Variants in INSR observed in about 807,000 individuals in gnomAD.
The protein encoded by INSR is insulin receptor, also known as IR.
Under a neutral mutation model 142.6 loss-of-function variants are expected in INSR, and 67 were observed. The ratio of observed to expected loss-of-function variants is 0.47; its 90% confidence interval spans 0.39 to 0.58. The LOEUF is 0.58. Ranked by LOEUF, INSR falls within the 20% of genes least tolerant of loss-of-function variation. The probability of loss-of-function intolerance (pLI) is 0.00; values close to 1 mark genes in which losing one functional copy is unlikely to be tolerated. For synonymous variants in INSR, 756 were observed against 743.1 expected, an observed-to-expected ratio of 1.02 and a Z score of -0.28; for missense variants, 1,248 against 1,833.2, an observed-to-expected ratio of 0.68 and a Z score of 5.83.
chr19:7,128,865 A>G lies in INSR; in HGVS notation c.2932T>C (p.Phe978Leu). 4 of 1,612,154 alleles carry G rather than the reference A, an allele frequency of 2.5e-6. No individual in the cohort carries two copies. Among genetic ancestry groups the G allele is most frequent in the Non-Finnish European group, 3.4e-6 (4 of 1,178,168 alleles). ...CACTGAACTCACCTCTTTCTCAGGA[A>G]TAGATAAATACTTCCAATCACAACA... ...FSVVIGSIYL[F>L]LRKRQPDGPL... The change falls in exon 15 of 22, where the codon TTC (phenylalanine) becomes CTC (leucine). Residue 978 changes from phenylalanine (F) to leucine (L), a missense_variant. By Grantham distance (22) the Phe-to-Leu change is conservative. This residue lies in a region of INSR where 1,069 missense variants were observed against 1,654.0 expected (regional missense o/e 0.65). Coordinates refer to ENST00000302850, the MANE Select transcript of INSR (RefSeq NM_000208.4).
chr19:7,145,197 G>A lies in INSR; in HGVS notation c.2268-2107C>T, dbSNP rs1002977009. Among the ~76,000 whole-genome samples the A allele has an allele frequency of 1.3e-4, 20 of 150,640 alleles. 1 individual carries two copies. Among genetic ancestry groups the A allele is most frequent in the Admixed American group, 9.3e-4 (14 of 15,126 alleles). On this transcript the variant is annotated intron_variant, in intron 11 of 21. Transcript: ENST00000302850. ...TAAGGATATTAACCTTTTATGTATC[G>A]TGCTATACAACTTACTCTTTTCCAT...
rs192540917 is a variant in INSR at position 7,263,734 on chromosome 19, C to G, written c.652+3611G>C. On this transcript the variant is annotated intron_variant, in intron 2 of 21. Coordinates refer to ENST00000302850, the MANE Select transcript of INSR (RefSeq NM_000208.4). ...GCAATTTTTAATTCACTCAAAACAT[C>G]AGGCACAGCCAGGCACAGCCAGGCA... 2.9e-3 allele frequency among the ~76,000 whole-genome samples: 438 copies of G among 152,114 alleles called. 1 individual carries two copies. The highest frequency in any genetic ancestry group is 8.3e-3 in the South Asian group (40 of 4,832).
intron 1 of INSR, among the ~76,000 whole-genome samples, chr19:7,282,113 C>T (rs1427952612): frequency 1.3e-5 from 2 of 152,132 alleles, no homozygotes; most frequent in Admixed American, 6.6e-5. Context: ...ACCAGTAATC[C>T]CAGCACTTTG....
intron 1 of INSR, among the ~76,000 whole-genome samples, chr19:7,279,490 A>G (rs1173600318): frequency 1.3e-5 from 2 of 149,340 alleles, no homozygotes; most frequent in African/African-American, 4.9e-5. Flanking sequence ...AGCCTGAAGC[A>G]TTCGAGATAG....
rs1968572301 is a variant in INSR, at chr19:7,293,999, T to C, written c.-108A>G. 1.9e-6 allele frequency: 2 copies of C among 1,078,822 alleles called. No homozygotes were observed. Among genetic ancestry groups the C allele is most frequent in the Non-Finnish European group, 2.3e-6 (2 of 882,726 alleles). 66.8% of individuals were successfully genotyped at this position (1,078,822 alleles called of 1,614,324 possible). On this transcript the variant is annotated 5_prime_UTR_variant, in exon 1 of 22. Coordinates refer to ENST00000302850, the MANE Select transcript of INSR (RefSeq NM_000208.4). Reference sequence around the variant, plus strand: ...AGGCGCTGGGGGCCGCGCGTCCTTCTCTTCCACGCCCGCGACCCGCGGGCC... The same window carrying C: ...AGGCGCTGGGGGCCGCGCGTCCTTCCCTTCCACGCCCGCGACCCGCGGGCC...
chr19:7,265,634 C>A (rs1204471057), intron 2 of INSR, among the ~76,000 whole-genome samples: 1 of 151,316 alleles, frequency 6.6e-6, no homozygotes, highest in Admixed American at 6.6e-5. Context: ...ACTTGGGAGG[C>A]TGGGGCAGGA....
chr19:7,222,957 C>T (rs56263243), intron 2 of INSR, among the ~76,000 whole-genome samples: 26 of 152,050 alleles, frequency 1.7e-4, no homozygotes, highest in Admixed American at 5.9e-4. Flanking sequence ...CTAAGGAGGG[C>T]GGATCACCTG....
At chr19:7,167,135 ATTATAAATTTCAGATT>A (rs2097199645) in intron 7 of INSR, among the ~76,000 whole-genome samples, 1 of 152,192 alleles carries the variant, frequency 6.6e-6, no homozygotes, top group South Asian at 2.1e-4. Context: ...ATTTTGGAGC[ATTATAAATTTCAGATT>A]TTCAGATTAG....
At chr19:7,213,330 C>T (rs1322192184) in intron 2 of INSR, among the ~76,000 whole-genome samples, 2 of 118,638 alleles carry the variant, frequency 1.7e-5, no homozygotes, top group African/African-American at 3.1e-5. Flanking sequence ...GGCTACAGAG[C>T]GACTCCATCT....
In INSR at chr19:7,152,797, C is replaced by A. The variant is rs767343837; in HGVS notation, c.2160G>T (p.Leu720=). ...TAAACGAGGACTCCTCCAGCTCCTTCAGGATCTGAGAGTCTGTCTTTGGAC... is the reference window on the plus strand; with the variant it reads ...TAAACGAGGACTCCTCCAGCTCCTTAAGGATCTGAGAGTCTGTCTTTGGAC... ...CSCPKTDSQI[L]KELEESSFRK... is the part of the protein sequence containing the mutation. Residue 720 remains leucine (L), a synonymous_variant, in exon 10 of 22, where the codon CTG becomes CTT. Coordinates refer to ENST00000302850, the MANE Select transcript of INSR (RefSeq NM_000208.4). 3.1e-6 allele frequency: 5 copies of A among 1,613,522 alleles called. No homozygotes were observed. The South Asian group carries it at 5.5e-5, about 18-fold the overall frequency.
intron 13 of INSR, among the ~76,000 whole-genome samples, chr19:7,137,798 C>CAAAAAAAAAAAAAAAA (rs1176523364): frequency 4.8e-5 from 2 of 41,482 alleles, no homozygotes; most frequent in Non-Finnish European, 3.9e-5. Context: ...GACTCCATCT[C>CAAAAAAAAAAAAAAAA]AAAAAAAAAA....
intron 2 of INSR, among the ~76,000 whole-genome samples, chr19:7,242,734 C>CCAAA (rs769179712): frequency 1.1e-5 from 1 of 92,124 alleles, no homozygotes. Flanking sequence ...GAGACTGCCT[C>CCAAA]AAAAAAAAAA....
intron 2 of INSR, among the ~76,000 whole-genome samples, chr19:7,264,475 A>G (rs1309730771): frequency 1.3e-5 from 2 of 151,910 alleles, no homozygotes; most frequent in Non-Finnish European, 2.9e-5. Context: ...GTCTTAAATT[A>G]TATCTCAAGA....
At chr19:7,257,416 G>A (rs887369100) in intron 2 of INSR, among the ~76,000 whole-genome samples, 22 of 151,716 alleles carry the variant, frequency 1.5e-4, no homozygotes, top group South Asian at 4.2e-4. Flanking sequence ...CTAGAAGCAC[G>A]GGTTCGATGA....
intron 2 of INSR, among the ~76,000 whole-genome samples, chr19:7,231,529 G>A (rs1282028730): frequency 2.0e-5 from 3 of 151,960 alleles, no homozygotes; most frequent in Non-Finnish European, 4.4e-5. Context: ...TCGAACTGCT[G>A]ACCACCAGTT....
chr19:7,117,267 T>G lies in INSR; in HGVS notation c.3938A>C (p.Glu1313Ala). 6.2e-7 allele frequency: 1 copy of G among 1,614,148 alleles called. No individual in the cohort carries two copies. The highest frequency in any genetic ancestry group is 8.5e-7 in the Non-Finnish European group (1 of 1,180,014). Residue 1313 changes from glutamate to alanine, a missense_variant, in exon 22 of 22, where the codon GAG (glutamate) becomes GCG (alanine). Glu to Ala is a moderately radical substitution (Grantham distance 107, BLOSUM62 -1). Transcript: ENST00000302850. The stretch of plus-strand genomic sequence containing the variant: ...AAACTCCATCTCCAGCTCCTCACTC[T>G]CGGGAGCCTTGTTCTCCTCGCTGTG... Reference protein sequence around the residue: ...FFHSEENKAPESEELEMEFED... With the variant: ...FFHSEENKAPASEELEMEFED...
At chr19:7,266,858 A>T (rs1967747855) in intron 2 of INSR, among the ~76,000 whole-genome samples, 1 of 152,128 alleles carries the variant, frequency 6.6e-6, no homozygotes, top group Non-Finnish European at 1.5e-5. Context: ...GTCTTTTTCC[A>T]AATGTCTATT....
At chr19:7,190,560 T>C (rs1974554340) in intron 2 of INSR, among the ~76,000 whole-genome samples, 1 of 151,958 alleles carries the variant, frequency 6.6e-6, no homozygotes, top group South Asian at 2.1e-4. Context: ...TTAGTAGAGA[T>C]GGGGTTTCAC....
At chr19:7,124,188 C>A (rs1972564474) in intron 17 of INSR, among the ~76,000 whole-genome samples, 1 of 151,578 alleles carries the variant, frequency 6.6e-6, no homozygotes, top group Non-Finnish European at 1.5e-5. Flanking sequence ...ATGGTGAAAC[C>A]CCGTCTCTAA....
Sources: allele counts gnomAD v4.1 joint callset (sites outside exome capture counted in the v4.1 genomes callset), GRCh38; gene constraint gnomAD v4.1.1; regional missense constraint gnomAD v4.1.1; transcripts MANE v1.5; gene names NCBI Gene and HGNC (gene_info 2026-07-23, HGNC 2026-07-21).